Variants in RALGAPB observed in about 807,000 individuals in gnomAD.
RALGAPB encodes ral GTPase-activating protein subunit beta.
Under a neutral mutation model 161.1 loss-of-function variants are expected in RALGAPB, and 25 were observed. The ratio of observed to expected loss-of-function variants is 0.16; its 90% CI spans 0.11 to 0.22. RALGAPB has a LOEUF of 0.22. RALGAPB is among the 10% of genes least tolerant of loss of function. The pLI, the probability that RALGAPB is intolerant of heterozygous loss-of-function variation, is 1.00. For synonymous variants in RALGAPB, 629 were observed against 626.1 expected, an observed-to-expected ratio of 1.00 and a Z score of -0.07; for missense variants, 1,391 against 1,815.2, an observed-to-expected ratio of 0.77 and a Z score of 4.25.
intron 26 of RALGAPB, among the ~76,000 whole-genome samples, chr20:38,567,540 C>T (rs1023465356): frequency 6.6e-6 from 1 of 152,120 alleles, no homozygotes; most frequent in Non-Finnish European, 1.5e-5. Flanking sequence ...AAAGTTACTG[C>T]AGTAACTACA....
intron 1 of RALGAPB, among the ~76,000 whole-genome samples, chr20:38,487,263 G>A (rs578067162): frequency 1.3e-5 from 2 of 152,174 alleles, no homozygotes; most frequent in South Asian, 2.1e-4. Flanking sequence ...TGGGAAAGTG[G>A]CAGTAGAAGA....
intron 1 of RALGAPB, among the ~76,000 whole-genome samples, chr20:38,474,985 T>C (rs747591747): frequency 3.0e-4 from 45 of 152,250 alleles, no homozygotes; most frequent in Admixed American, 3.9e-4. Context: ...ATTCTAGTTA[T>C]GTTCAGCAAT....
At chr20:38,512,942 A>G (rs1411512870) in intron 6 of RALGAPB, among the ~76,000 whole-genome samples, 2 of 151,468 alleles carry the variant, frequency 1.3e-5, no homozygotes, top group African/African-American at 2.4e-5. Flanking sequence ...TGTATTTTTT[A>G]GTAGAGACGG....
chr20:38,547,009 A>G (rs1949708783), intron 19 of RALGAPB: 1 of 152,622 alleles, frequency 6.6e-6, no homozygotes, highest in South Asian at 2.1e-4. Context: ...CTCAACCCCT[A>G]AACCCCTTGC....
At chr20:38,502,702 A>G (rs1249909676) in intron 5 of RALGAPB, among the ~76,000 whole-genome samples, 2 of 152,158 alleles carry the variant, frequency 1.3e-5, no homozygotes, top group African/African-American at 4.8e-5. Context: ...TCCCATGCTC[A>G]AGTGATTCTC....
At chr20:38,526,382 G>A (rs557447045) in intron 13 of RALGAPB, among the ~76,000 whole-genome samples, 5 of 149,190 alleles carry the variant, frequency 3.4e-5, no homozygotes, top group East Asian at 2.0e-4. Context: ...TCTTCCTCCC[G>A]CCTCGTCCTC....
intron 24 of RALGAPB, 126 bp from the exon 25 acceptor site, chr20:38,565,233 G>C: frequency 9.8e-7 from 1 of 1,017,592 alleles, no homozygotes; most frequent in Non-Finnish European, 1.4e-6. Flanking sequence ...CATACTAATT[G>C]GTTCTTGTTG....
Position 38,472,913 on chromosome 20 carries a change from G to C in RALGAPB, c.-187G>C, listed in dbSNP as rs924298800. Reference sequence around the variant, plus strand: ...CCTTCGTCGTCCCTTGGCGCCCTGGGAGAGTCGCTGACGGGTGGACTGACG... The same window carrying C: ...CCTTCGTCGTCCCTTGGCGCCCTGGCAGAGTCGCTGACGGGTGGACTGACG... On this transcript the variant is annotated 5_prime_UTR_variant, in exon 1 of 30. Transcript: ENST00000262879. The C allele has an allele frequency of 2.3e-5, 9 of 398,862 alleles. No individual in the cohort carries two copies. Among genetic ancestry groups the C allele is most frequent in the Non-Finnish European group, 3.1e-5 (7 of 226,024 alleles). 24.7% of individuals were successfully genotyped at this position (398,862 alleles called of 1,614,324 possible).
intron 2 of RALGAPB, among the ~76,000 whole-genome samples, 181 bp downstream of exon 2, chr20:38,488,799 T>C (rs1600838468): frequency 1.3e-5 from 2 of 152,236 alleles, no homozygotes; most frequent in African/African-American, 4.8e-5. Context: ...TTGTTTGAGT[T>C]GAGGGCTGGG....
intron 20 of RALGAPB, among the ~76,000 whole-genome samples, chr20:38,550,307 T>C (rs2087333787): frequency 6.6e-6 from 1 of 152,184 alleles, no homozygotes; most frequent in Admixed American, 6.5e-5. Flanking sequence ...TAAAAAAATG[T>C]GATTAAAAAA....
intron 22 of RALGAPB, among the ~76,000 whole-genome samples, chr20:38,556,220 A>G (rs1204284072): frequency 2.6e-5 from 4 of 152,214 alleles, no homozygotes; most frequent in Non-Finnish European, 5.9e-5. Flanking sequence ...CTACTATTTA[A>G]CAAAGAGAAT....
intron 21 of RALGAPB, among the ~76,000 whole-genome samples, chr20:38,551,871 C>G (rs921450622): frequency 6.6e-6 from 1 of 151,914 alleles, no homozygotes; most frequent in Non-Finnish European, 1.5e-5. Context: ...AACAGAAGAG[C>G]AGGAATGGAG....
Position 38,539,938 on chromosome 20 carries a change from C to G in RALGAPB, c.2542C>G (p.Pro848Ala), listed in dbSNP as rs1359111762. 1 of 1,610,772 alleles carries G rather than the reference C, an allele frequency of 6.2e-7. No homozygotes were observed. Reference sequence around the variant, plus strand: ...TCTCTGTGTCTGGCTGACAGAGCACCCTGATATGCTTGATGAAAAGGTGAG... The same window carrying G: ...TCTCTGTGTCTGGCTGACAGAGCACGCTGATATGCTTGATGAAAAGGTGAG... The part of the protein sequence containing the change: ...QCLCVWLTEH[P>A]DMLDEKDCLK... Residue 848 changes from proline to alanine, a missense_variant, in exon 17 of 30, where the codon CCT becomes GCT. Pro to Ala is a conservative substitution (Grantham distance 27, BLOSUM62 -1). Coordinates refer to ENST00000262879, the MANE Select transcript of RALGAPB (RefSeq NM_020336.4).
At chr20:38,530,274 A>C (rs2086614743) in intron 13 of RALGAPB, among the ~76,000 whole-genome samples, 1 of 152,238 alleles carries the variant, frequency 6.6e-6, no homozygotes, top group African/African-American at 2.4e-5. Flanking sequence ...CTACAAAATG[A>C]TTACAGTAGT....
In RALGAPB at chr20:38,554,007, T is replaced by C. The variant is rs1011595127; in HGVS notation, c.3303T>C (p.Pro1101=). 1.1e-5 allele frequency: 18 copies of C among 1,613,950 alleles called. No individual in the cohort carries two copies. The highest frequency in any genetic ancestry group is 1.4e-5 in the Non-Finnish European group (17 of 1,179,916). Residue 1101 remains proline, a synonymous_variant, in exon 22 of 30, where the codon CCT becomes CCC. Coordinates refer to ENST00000262879, the MANE Select transcript of RALGAPB (RefSeq NM_020336.4). ...DPVTDCKPPP[P]AQEFQTARLF... is the part of the protein sequence containing the mutation. ...TTACGGATTGCAAGCCCCCGCCTCC[T>C]GCCCAGGAATTCCAAACAGCCCGCC...
intron 20 of RALGAPB, among the ~76,000 whole-genome samples, chr20:38,549,977 AG>A (rs1362342183): frequency 6.6e-6 from 1 of 152,246 alleles, no homozygotes; most frequent in East Asian, 1.9e-4. Flanking sequence ...AAAAATGATG[AG>A]TTCATGTCCT....
chr20:38,500,686 A>G (rs2085565149), intron 5 of RALGAPB, among the ~76,000 whole-genome samples: 1 of 152,248 alleles, frequency 6.6e-6, no homozygotes, highest in South Asian at 2.1e-4. Context: ...GTTGAAAGCC[A>G]AAACAGGCTG....
intron 18 of RALGAPB, among the ~76,000 whole-genome samples, chr20:38,542,665 CA>C (rs776568316): frequency 1.3e-4 from 19 of 151,954 alleles, no homozygotes; most frequent in Non-Finnish European, 2.5e-4. Context: ...ATCACAGGGT[CA>C]AGAGATCGAG....
chr20:38,521,426 T>C lies in RALGAPB; in HGVS notation c.1418-71T>C. On this transcript the variant is annotated intron_variant, in intron 9 of 29. Transcript: ENST00000262879. ...ATTTAATGACACCAATATTTGATCT[T>C]TGTGTCCAGGGTCCCATGAGCCTAC... is the stretch of plus-strand genomic sequence containing the variant. The C allele has an allele frequency of 4.4e-6, 7 of 1,587,048 alleles. No individual in the cohort carries two copies. The East Asian group carries it at 9.0e-5, about 20-fold the overall frequency.
Sources: allele counts gnomAD v4.1 joint callset (sites outside exome capture counted in the v4.1 genomes callset), GRCh38; gene constraint gnomAD v4.1.1; transcripts MANE v1.5; gene names NCBI Gene and HGNC (gene_info 2026-07-23, HGNC 2026-07-21).